The following RAD51C variants were observed in gnomAD, a reference collection of about 807,000 sequenced individuals.
RAD51C encodes the protein RAD51 paralog C.
RAD51C carries 42 observed loss-of-function variants against 45.0 expected under a neutral mutation model. The ratio of observed to expected loss-of-function variants is 0.93; its 90% CI spans 0.73 to 1.21. The LOEUF is 1.21. Among genes scored for constraint, RAD51C ranks in the 50% most tolerant of loss-of-function variants. The pLI, the probability that RAD51C is intolerant of heterozygous loss-of-function variation, is 0.00. For missense variants in RAD51C, 474 were observed against 452.2 expected (o/e 1.05, Z -0.44); for synonymous variants, 172 against 159.8 (o/e 1.08, Z -0.58).
chr17:58,694,793 G>A, intron 1 of RAD51C, 138 bp from the exon 2 acceptor site: 1 of 925,266 alleles, frequency 1.1e-6, no homozygotes, highest in Admixed American at 1.8e-5. Context: ...AAATTAAATG[G>A]TTGATAGAAT....
intron 5 of RAD51C, among the ~76,000 whole-genome samples, chr17:58,716,303 C>T (rs979359067): frequency 1.3e-4 from 20 of 152,020 alleles, no homozygotes; most frequent in African/African-American, 4.3e-4. Flanking sequence ...CCTAAAGATA[C>T]GTAGTGCGTA....
chr17:58,699,755 G>T (rs1374247856), intron 3 of RAD51C: 1 of 152,092 alleles, frequency 6.6e-6, no homozygotes, highest in Non-Finnish European at 1.5e-5. Flanking sequence ...TTTATCTCCA[G>T]TTAGTTTCAA....
chr17:58,723,607 A>C (rs2049000541), intron 6 of RAD51C, among the ~76,000 whole-genome samples: 1 of 151,940 alleles, frequency 6.6e-6, no homozygotes, highest in African/African-American at 2.4e-5. Context: ...ACTTTTGCTC[A>C]TTATTATTTT....
intron 3 of RAD51C, chr17:58,699,779 TA>T (rs1246019196): frequency 1.3e-5 from 2 of 152,208 alleles, no homozygotes; most frequent in African/African-American, 4.8e-5. Flanking sequence ...TTGCTGCCTT[TA>T]GAGACTTAGG....
intron 5 of RAD51C, among the ~76,000 whole-genome samples, chr17:58,711,852 G>T (rs1598487838): frequency 6.6e-6 from 1 of 151,628 alleles, no homozygotes. Flanking sequence ...TTGCTTGAAG[G>T]TTTTTTTTCC....
rs536833030 is a variant in RAD51C at position 58,726,385 on chromosome 17, AC to A, written c.965+2286del. 3.0e-4 allele frequency among the ~76,000 whole-genome samples: 45 copies of A among 150,098 alleles called. 1 individual carries two copies. In the Middle Eastern group the frequency reaches 0.011, roughly 37 times the overall value. ...TGTATGTATATATGTGTACATATAT[AC>A]GTGTATGTATATATGTGTATATATA... On this transcript the variant is annotated intron_variant, in intron 7 of 8. Coordinates refer to ENST00000337432, the MANE Select transcript of RAD51C (RefSeq NM_058216.3).
At chr17:58,699,513 C>T (rs2143770365) in intron 3 of RAD51C, among the ~76,000 whole-genome samples, 1 of 151,926 alleles carries the variant, frequency 6.6e-6, no homozygotes, top group Non-Finnish European at 1.5e-5. Flanking sequence ...ACTGAAAGCC[C>T]TTTGGACCCT....
intron 5 of RAD51C, among the ~76,000 whole-genome samples, chr17:58,716,357 T>C (rs1222632721): frequency 6.6e-6 from 1 of 152,182 alleles, no homozygotes; most frequent in Non-Finnish European, 1.5e-5. Context: ...GTAGATCTGA[T>C]GGAAAGATGA....
chr17:58,710,966 C>T (rs1260426946), intron 5 of RAD51C, among the ~76,000 whole-genome samples: 1 of 152,126 alleles, frequency 6.6e-6, no homozygotes, highest in Non-Finnish European at 1.5e-5. Context: ...GACCTTAGCA[C>T]ATACCTGTAA....
intron 3 of RAD51C, among the ~76,000 whole-genome samples, chr17:58,697,605 G>A (rs553283420): frequency 6.6e-6 from 1 of 150,506 alleles, no homozygotes; most frequent in African/African-American, 2.4e-5. Context: ...TAAGCAGATT[G>A]ACTTGGGGGC....
intron 1 of RAD51C, chr17:58,694,530 G>A (rs1014996131): frequency 5.1e-6 from 1 of 194,602 alleles, no homozygotes; most frequent in African/African-American, 2.4e-5. Context: ...ATCCAGGCTG[G>A]AATGCAGTGG....
chr17:58,713,723 A>C (rs2048635269), intron 5 of RAD51C, among the ~76,000 whole-genome samples: 1 of 151,972 alleles, frequency 6.6e-6, no homozygotes, highest in African/African-American at 2.4e-5. Context: ...CAGGAGAATC[A>C]CTTGAACTCG....
chr17:58,696,552 G>C (rs1567788122), intron 2 of RAD51C, 141 bp from the exon 3 acceptor site: 2 of 951,828 alleles, frequency 2.1e-6, no homozygotes, highest in Admixed American at 1.9e-5. Context: ...GTCATGAAGA[G>C]TTAGACATTT....
rs544306649 is a variant in RAD51C at position 58,703,513 on chromosome 17, G to A, written c.705+184G>A. Among the ~76,000 whole-genome samples the A allele has an allele frequency of 3.4e-3, 514 of 152,238 alleles. 2 individuals are homozygous for A. Among genetic ancestry groups the A allele is most frequent in the Non-Finnish European group, 5.0e-3 (337 of 68,020 alleles). On this transcript the variant is annotated intron_variant, in intron 4 of 8. Transcript: ENST00000337432. The stretch of plus-strand genomic sequence containing the variant: ...TTTTGTGTATGTATATGTATATATA[G>A]TTTATGCTCAGAGTAAGAAATTGAA...
intron 3 of RAD51C, among the ~76,000 whole-genome samples, chr17:58,699,292 T>C (rs1485742442): frequency 5.9e-5 from 9 of 152,122 alleles, no homozygotes; most frequent in African/African-American, 2.2e-4. Context: ...AGGCATGAGC[T>C]ACAGCGCCCG....
At chr17:58,731,081 A>T (rs538130444) in intron 7 of RAD51C, among the ~76,000 whole-genome samples, 2 of 152,262 alleles carry the variant, frequency 1.3e-5, no homozygotes, top group East Asian at 3.9e-4. Context: ...AATGTCTTCA[A>T]GGCTCATTTA....
intron 2 of RAD51C, chr17:58,695,456 C>T: frequency 2.3e-6 from 2 of 856,504 alleles, no homozygotes; most frequent in South Asian, 5.9e-5. Flanking sequence ...CTGCGTTATT[C>T]ATTCCTGAGA....
intron 7 of RAD51C, among the ~76,000 whole-genome samples, chr17:58,729,981 T>G (rs184372784): frequency 1.6e-4 from 25 of 152,160 alleles, no homozygotes; most frequent in African/African-American, 6.0e-4. Context: ...ACTGTTGATA[T>G]GAGGTGATTT....
rs1298068421 is a variant in RAD51C, at chr17:58,734,655, C to G, written c.*433C>G. On this transcript the variant is annotated 3_prime_UTR_variant, in exon 9 of 9. Transcript: ENST00000337432. ...TGTAGTCCAGGCTGGAGTGCAATGG[C>G]GCAATCTCTGCTCACTGCAACCTCC... 1 of 171,338 alleles carries G rather than the reference C, an allele frequency of 5.8e-6. No homozygotes were observed. The highest frequency in any genetic ancestry group is 2.8e-5 in the African/African-American group (1 of 35,208). 10.6% of individuals were successfully genotyped at this position (171,338 alleles called of 1,614,324 possible).
Sources: gnomAD v4.1 joint callset for allele counts (sites outside exome capture counted in the v4.1 genomes callset) on GRCh38, gnomAD v4.1.1 for gene constraint, MANE v1.5 for transcripts, NCBI Gene and HGNC (gene_info 2026-07-23, HGNC 2026-07-21) for gene names.